Variants in RBFOX1 observed in about 807,000 individuals in gnomAD.
RBFOX1 encodes the protein RNA binding fox-1 homolog 1.
A neutral mutation model predicts 57.7 loss-of-function variants in RBFOX1; 8 were observed. The ratio of observed to expected loss-of-function variants is 0.14; its 90% CI spans 0.08 to 0.25. RBFOX1 has a LOEUF of 0.25. Ranked by LOEUF, RBFOX1 falls within the 10% of genes least tolerant of loss-of-function variation. The pLI, the probability that RBFOX1 is intolerant of heterozygous loss-of-function variation, is 1.00. For missense variants in RBFOX1, 611 were observed against 548.5 expected (o/e 1.11, Z -1.14); for synonymous variants, 326 against 222.4 (o/e 1.47, Z -4.15).
At chr16:5,463,664 C>A (rs1285900841) in intron 1 of RBFOX1, among the ~76,000 whole-genome samples, 2 of 151,688 alleles carry the variant, frequency 1.3e-5, no homozygotes, top group Admixed American at 1.3e-4. Flanking sequence ...GCCAGACGTG[C>A]TGACACACAA....
At position 7,565,260 on chromosome 16, in the gene RBFOX1, A is replaced by G. The variant is rs572072890; in HGVS notation, c.271-14517A>G. On this transcript the variant is annotated intron_variant, in intron 5 of 15. Transcript: ENST00000550418. ...AGGGTGTGGAGTTGATCTGGTATGCATGATTTTTCTTCCCCCGCCCGCCAC... is the reference window on the plus strand; with the variant it reads ...AGGGTGTGGAGTTGATCTGGTATGCGTGATTTTTCTTCCCCCGCCCGCCAC... 8.5e-5 allele frequency among the ~76,000 whole-genome samples: 13 copies of G among 152,214 alleles called. No homozygotes were observed. The East Asian group carries it at 2.1e-3, about 25-fold the overall frequency.
chr16:5,458,018 G>T (rs1006353898), intron 1 of RBFOX1, among the ~76,000 whole-genome samples: 5 of 152,196 alleles, frequency 3.3e-5, no homozygotes, highest in African/African-American at 9.6e-5. Flanking sequence ...TGCTGTCTTG[G>T]GGGTAGAAAA....
At chr16:5,791,957 C>T (rs1211838751) in intron 3 of RBFOX1, among the ~76,000 whole-genome samples, 1 of 152,130 alleles carries the variant, frequency 6.6e-6, no homozygotes, top group African/African-American at 2.4e-5. Flanking sequence ...GCCTCTGGGG[C>T]TTGGAGGTCC....
intron 1 of RBFOX1, among the ~76,000 whole-genome samples, chr16:5,322,397 G>C (rs2064435593): frequency 6.6e-6 from 1 of 152,132 alleles, no homozygotes; most frequent in Non-Finnish European, 1.5e-5. Flanking sequence ...AGGGGTTTGG[G>C]GTAGGATGAG....
At chr16:5,631,867 T>C (rs2048519755) in intron 3 of RBFOX1, among the ~76,000 whole-genome samples, 1 of 152,156 alleles carries the variant, frequency 6.6e-6, no homozygotes, top group Non-Finnish European at 1.5e-5. Flanking sequence ...CATTGTAGGA[T>C]CATTTTCTGG....
At chr16:6,566,226 A>G (rs532019816) in intron 2 of RBFOX1, among the ~76,000 whole-genome samples, 1 of 152,290 alleles carries the variant, frequency 6.6e-6, no homozygotes, top group East Asian at 1.9e-4. Context: ...TTTTGGTGAA[A>G]AGCAACTGAG....
rs1349999654 is a variant in RBFOX1, at chr16:7,188,514, G to T, written c.27+136416G>T. ...TTATGCAGAAAGGAAATGTTTTGCTGTGTGTGTGGGTGTCTGCACCTTTTC... is the reference window on the plus strand; with the variant it reads ...TTATGCAGAAAGGAAATGTTTTGCTTTGTGTGTGGGTGTCTGCACCTTTTC... On this transcript the variant is annotated intron_variant, in intron 4 of 15. Coordinates refer to ENST00000550418, the MANE Select transcript of RBFOX1 (RefSeq NM_018723.4). Among the ~76,000 whole-genome samples, 8 of 152,272 alleles carry T rather than the reference G, an allele frequency of 5.3e-5. 1 individual carries two copies. In the South Asian group the frequency reaches 1.7e-3, roughly 32 times the overall value.
intron 3 of RBFOX1, among the ~76,000 whole-genome samples, chr16:6,731,330 C>G (rs960332174): frequency 2.0e-5 from 3 of 152,086 alleles, no homozygotes; most frequent in African/African-American, 4.8e-5. Context: ...AGATACTGAC[C>G]ATATATCATT....
intron 2 of RBFOX1, among the ~76,000 whole-genome samples, chr16:6,613,773 C>G (rs936349750): frequency 6.6e-6 from 1 of 152,138 alleles, no homozygotes; most frequent in African/African-American, 2.4e-5. Flanking sequence ...CCCATCTCTA[C>G]TACAAATATA....
intron 13 of RBFOX1, among the ~76,000 whole-genome samples, chr16:7,669,770 C>G (rs2070755662): frequency 6.6e-6 from 1 of 152,130 alleles, no homozygotes; most frequent in Admixed American, 6.5e-5. Context: ...ACATGTAAAG[C>G]TGGAAAGTAG....
At chr16:5,371,652 G>C (rs1452596410) in intron 1 of RBFOX1, among the ~76,000 whole-genome samples, 2 of 152,202 alleles carry the variant, frequency 1.3e-5, no homozygotes, top group African/African-American at 4.8e-5. Flanking sequence ...TGGTGCAGGG[G>C]CAATTCACGC....
chr16:6,298,356 T>C (rs2078385709), intron 1 of RBFOX1, among the ~76,000 whole-genome samples: 1 of 152,222 alleles, frequency 6.6e-6, no homozygotes, highest in Non-Finnish European at 1.5e-5. Context: ...GTGTTAGTCA[T>C]ACCTCACACA....
chr16:7,599,951 T>A (rs2140943635), intron 9 of RBFOX1, among the ~76,000 whole-genome samples: 1 of 152,246 alleles, frequency 6.6e-6, no homozygotes, highest in Non-Finnish European at 1.5e-5. Context: ...CTTTTCTTTT[T>A]GTTATGAAGT....
chr16:5,392,197 G>C (rs1171456731), intron 1 of RBFOX1, among the ~76,000 whole-genome samples: 1 of 152,110 alleles, frequency 6.6e-6, no homozygotes, highest in Non-Finnish European at 1.5e-5. Context: ...CTGCTTGGGT[G>C]ATGGGTGCAC....
At chr16:6,714,621 C>A (rs955785073) in intron 3 of RBFOX1, among the ~76,000 whole-genome samples, 1 of 151,948 alleles carries the variant, frequency 6.6e-6, no homozygotes, top group African/African-American at 2.4e-5. Flanking sequence ...AGAAGAAATG[C>A]AGGTATTGAA....
At chr16:6,227,266 G>A (rs1296055626) in intron 1 of RBFOX1, among the ~76,000 whole-genome samples, 5 of 152,092 alleles carry the variant, frequency 3.3e-5, no homozygotes, top group South Asian at 2.1e-4. Flanking sequence ...CCCTCAGAGC[G>A]TTTGATTCAG....
intron 3 of RBFOX1, among the ~76,000 whole-genome samples, chr16:6,776,423 AAAACAAAAAAC>A (rs368794004): frequency 9.2e-4 from 96 of 103,864 alleles, no homozygotes; most frequent in African/African-American, 2.3e-3. Context: ...AAAAAAACAA[AAAACAAAAAAC>A]AAACAAACAA....
chr16:5,897,016 C>CTTGTTTTTTT (rs2058182237), intron 4 of RBFOX1, among the ~76,000 whole-genome samples: 1 of 56,460 alleles, frequency 1.8e-5, no homozygotes, highest in African/African-American at 7.7e-5. Flanking sequence ...TATCCATCCG[C>CTTGTTTTTTT]TTTTTTTTTT....
intron 1 of RBFOX1, among the ~76,000 whole-genome samples, chr16:5,305,931 C>T (rs919666313): frequency 2.6e-5 from 4 of 152,164 alleles, no homozygotes; most frequent in African/African-American, 7.2e-5. Flanking sequence ...TGGCACACGT[C>T]TGTAGTCCCA....
Sources: gnomAD v4.1 joint callset for allele counts (sites outside exome capture counted in the v4.1 genomes callset) on GRCh38, gnomAD v4.1.1 for gene constraint, MANE v1.5 for transcripts, NCBI Gene and HGNC (gene_info 2026-07-23, HGNC 2026-07-21) for gene names.